AK5: variants seen among roughly 807,000 people sequenced by gnomAD.
AK5 encodes the protein adenylate kinase isoenzyme 5.
A neutral mutation model predicts 69.5 loss-of-function variants in AK5; 27 were observed. The ratio of observed to expected loss-of-function variants is 0.39; its 90% CI spans 0.29 to 0.54. AK5 has a LOEUF of 0.54. Ranked by LOEUF, AK5 falls within the 20% of genes least tolerant of loss-of-function variation. AK5 has a pLI of 0.71. For synonymous variants in AK5, 260 were observed against 244.4 expected (o/e 1.06, Z -0.60); for missense variants, 531 against 700.4 (o/e 0.76, Z 2.73).
intron 8 of AK5, among the ~76,000 whole-genome samples, chr1:77,428,127 A>G (rs948057575): frequency 2.0e-5 from 3 of 152,208 alleles, no homozygotes; most frequent in Non-Finnish European, 2.9e-5. Context: ...ATAGCACCAA[A>G]GGTATAATCC....
chr1:77,321,915 TA>T (rs973369364), intron 5 of AK5, among the ~76,000 whole-genome samples: 2 of 152,318 alleles, frequency 1.3e-5, no homozygotes, highest in Admixed American at 1.3e-4. Context: ...GTACCAAAAC[TA>T]TTAGTTAAAT....
chr1:77,531,645 A>G (rs933444573), intron 12 of AK5, among the ~76,000 whole-genome samples: 2 of 152,160 alleles, frequency 1.3e-5, no homozygotes, highest in East Asian at 3.9e-4. Flanking sequence ...ACAATCCCTT[A>G]GCTAGACATA....
intron 13 of AK5, among the ~76,000 whole-genome samples, chr1:77,552,975 G>C (rs930861457): frequency 3.3e-5 from 5 of 152,198 alleles, no homozygotes; most frequent in Non-Finnish European, 7.3e-5. Flanking sequence ...AGGAGTTAGA[G>C]GTTACAGTGA....
At chr1:77,474,800 T>C (rs1172680779) in intron 8 of AK5, among the ~76,000 whole-genome samples, 1 of 152,204 alleles carries the variant, frequency 6.6e-6, no homozygotes, top group Non-Finnish European at 1.5e-5. Context: ...TAATGTGTTT[T>C]ATTCTTTTAT....
At chr1:77,466,503 C>T (rs147907121) in intron 8 of AK5, among the ~76,000 whole-genome samples, 106 of 152,312 alleles carry the variant, frequency 7.0e-4, no homozygotes, top group African/African-American at 2.3e-3. Context: ...AGATCACGCC[C>T]TCAAAGCTGA....
At chr1:77,546,688 C>G (rs759140570) in intron 13 of AK5, among the ~76,000 whole-genome samples, 1 of 152,078 alleles carries the variant, frequency 6.6e-6, no homozygotes, top group African/African-American at 2.4e-5. Flanking sequence ...CCAGCCTGAG[C>G]GACAGTGTGA....
intron 8 of AK5, among the ~76,000 whole-genome samples, chr1:77,427,862 T>C (rs1354547378): frequency 3.9e-5 from 6 of 152,214 alleles, no homozygotes; most frequent in Non-Finnish European, 7.3e-5. Context: ...CCCAAGCTAA[T>C]GCAATAAGAC....
intron 12 of AK5, among the ~76,000 whole-genome samples, chr1:77,528,979 C>T (rs550817955): frequency 6.6e-5 from 10 of 152,244 alleles, no homozygotes; most frequent in Admixed American, 4.6e-4. Flanking sequence ...TGACAAGTGC[C>T]TTTACACACT....
At chr1:77,524,107 C>A (rs910844143) in intron 12 of AK5, among the ~76,000 whole-genome samples, 1 of 152,196 alleles carries the variant, frequency 6.6e-6, no homozygotes, top group African/African-American at 2.4e-5. Context: ...TAGCATGTGT[C>A]AGAATTTCCT....
chr1:77,310,289 T>C (rs1024477963), intron 5 of AK5, among the ~76,000 whole-genome samples: 2 of 152,174 alleles, frequency 1.3e-5, no homozygotes, highest in African/African-American at 4.8e-5. Flanking sequence ...TGTTTATATA[T>C]TTCTGCACCA....
intron 10 of AK5, among the ~76,000 whole-genome samples, chr1:77,494,942 C>T (rs531471104): frequency 2.7e-4 from 41 of 151,954 alleles, no homozygotes; most frequent in African/African-American, 9.2e-4. Context: ...TCACCACGCT[C>T]GGCTAATTTT....
intron 2 of AK5, among the ~76,000 whole-genome samples, chr1:77,291,454 A>G (rs976896546): frequency 6.6e-6 from 1 of 151,968 alleles, no homozygotes; most frequent in Non-Finnish European, 1.5e-5. Flanking sequence ...TAACCTTCCT[A>G]AAACCTATAT....
chr1:77,448,666 T>C (rs578055249), intron 8 of AK5, among the ~76,000 whole-genome samples: 2 of 152,236 alleles, frequency 1.3e-5, no homozygotes, highest in South Asian at 4.1e-4. Flanking sequence ...CTGAAAGAGC[T>C]ATAACACAAA....
At chr1:77,322,989 CT>C (rs11347735) in intron 5 of AK5, among the ~76,000 whole-genome samples, 14,152 of 147,088 alleles carry the variant, frequency 0.096, 792 homozygotes, top group South Asian at 0.2. Flanking sequence ...TTTTTCTTTT[CT>C]TTTTTTTTTT....
intron 6 of AK5, among the ~76,000 whole-genome samples, chr1:77,389,054 A>C (rs966350129): frequency 1.3e-5 from 2 of 152,226 alleles, no homozygotes; most frequent in Non-Finnish European, 2.9e-5. Flanking sequence ...GGATCAGTGA[A>C]GCTTACAACG....
At chr1:77,324,272 T>G (rs1660674258) in intron 5 of AK5, among the ~76,000 whole-genome samples, 1 of 147,020 alleles carries the variant, frequency 6.8e-6, no homozygotes, top group African/African-American at 2.5e-5. Context: ...CTTTAAAAAT[T>G]CAATTAATTA....
intron 8 of AK5, among the ~76,000 whole-genome samples, chr1:77,476,078 A>G (rs564846530): frequency 3.9e-5 from 6 of 152,334 alleles, no homozygotes; most frequent in East Asian, 3.9e-4. Context: ...AGCAGTTTAT[A>G]TAGAGAAACT....
chr1:77,328,230 GT>G (rs2100345231), intron 5 of AK5, among the ~76,000 whole-genome samples: 1 of 152,330 alleles, frequency 6.6e-6, no homozygotes, highest in South Asian at 2.1e-4. Context: ...GCCAGGTGCA[GT>G]GGCTCACGCC....
intron 8 of AK5, among the ~76,000 whole-genome samples, chr1:77,456,694 G>A (rs1653505365): frequency 6.6e-6 from 1 of 152,136 alleles, no homozygotes; most frequent in Non-Finnish European, 1.5e-5. Flanking sequence ...TGGGATGGTT[G>A]GTCACCCTAG....
Sources: gnomAD v4.1 joint callset for allele counts (sites outside exome capture counted in the v4.1 genomes callset) on GRCh38, gnomAD v4.1.1 for gene constraint, MANE v1.5 for transcripts, NCBI Gene and HGNC (gene_info 2026-07-23, HGNC 2026-07-21) for gene names.